Variants in SHC4 observed in about 807,000 individuals in gnomAD.
SHC4 encodes the protein SHC-transforming protein 4.
SHC4 carries 41 observed loss-of-function variants against 69.4 expected under a neutral mutation model. That is an observed-to-expected ratio of 0.59 (90% CI 0.46 to 0.77). SHC4 has a LOEUF of 0.77. Among genes scored for constraint, SHC4 ranks in the 30% least tolerant of loss-of-function variants. SHC4 has a pLI of 0.00. For missense variants in SHC4, 777 were observed against 783.8 expected (o/e 0.99, Z 0.10); for synonymous variants, 318 against 299.3 (o/e 1.06, Z -0.64).
In SHC4 at chr15:48,962,500, T is replaced by C; in HGVS notation, c.516A>G (p.Thr172=). The C allele has an allele frequency of 6.4e-7, 1 of 1,566,252 alleles. No homozygotes were observed. Among genetic ancestry groups the C allele is most frequent in the African/African-American group, 1.4e-5 (1 of 73,582 alleles). The change falls in exon 1 of 12, where the codon ACA becomes ACG. Residue 172 remains threonine (T), a synonymous_variant. Coordinates refer to ENST00000332408, the MANE Select transcript of SHC4 (RefSeq NM_203349.4). ...AGTGCCTGTCCTGCCTGCTCCTAAG[T>C]GTTGGCTCCCCAGGGCCAGGAAGCG... The part of the protein sequence containing the change: ...SCPLPGPGEP[T]LRSRQDRHFL...
intron 6 of SHC4, among the ~76,000 whole-genome samples, chr15:48,866,290 T>C (rs190800183): frequency 1.6e-4 from 25 of 152,340 alleles, no homozygotes; most frequent in Admixed American, 1.5e-3. Flanking sequence ...CTGCACACTC[T>C]TTGACCATGA....
chr15:48,910,957 A>AT (rs1042684005), intron 2 of SHC4, among the ~76,000 whole-genome samples: 5 of 152,024 alleles, frequency 3.3e-5, no homozygotes, highest in Admixed American at 2.0e-4. Flanking sequence ...ACTTTCTTAA[A>AT]TTTTTTGAGG....
chr15:48,904,973 G>A (rs898665600), intron 2 of SHC4, among the ~76,000 whole-genome samples: 3 of 132,002 alleles, frequency 2.3e-5, no homozygotes, highest in Non-Finnish European at 5.0e-5. Context: ...ACACACACAC[G>A]GATGGCACCC....
At chr15:48,874,636 T>G (rs1899758502) in intron 4 of SHC4, among the ~76,000 whole-genome samples, 1 of 152,182 alleles carries the variant, frequency 6.6e-6, no homozygotes, top group Non-Finnish European at 1.5e-5. Context: ...GCTGAGGTGG[T>G]GACGCTAGTG....
rs1364759281 is a variant in SHC4, at chr15:48,824,501, T to A, written c.*1470A>T. On this transcript the variant is annotated 3_prime_UTR_variant, in exon 12 of 12. Coordinates refer to ENST00000332408, the MANE Select transcript of SHC4 (RefSeq NM_203349.4). ...GCTACTCAAACCAAATCCACTTTTA[T>A]CATCATTCCCTATATTCCAAAGTTT... is the stretch of plus-strand genomic sequence containing the variant. The A allele has an allele frequency of 6.6e-6, 1 of 152,184 alleles. No homozygotes were observed. The highest frequency in any genetic ancestry group is 2.4e-5 in the African/African-American group (1 of 41,452). The allele number at this position is 152,184 out of a possible 1,614,324, so 9.4% of individuals were successfully genotyped here. A position where few individuals can be genotyped will look rare whatever the true frequency, so the allele number is the denominator to read the frequency against.
chr15:48,942,044 G>A lies in SHC4; in HGVS notation c.586-17095C>T, dbSNP rs116186118. 1.5e-3 allele frequency among the ~76,000 whole-genome samples: 233 copies of A among 152,104 alleles called. 1 individual carries two copies. The highest frequency in any genetic ancestry group is 4.9e-3 in the African/African-American group (203 of 41,506). On this transcript the variant is annotated intron_variant, in intron 1 of 11. Coordinates refer to ENST00000332408, the MANE Select transcript of SHC4 (RefSeq NM_203349.4). Reference sequence around the variant, plus strand: ...TAATCAGGATTGAGCCTAATTTTACGTAAATGGCAATGCTATGAAGATGGA... The same window carrying A: ...TAATCAGGATTGAGCCTAATTTTACATAAATGGCAATGCTATGAAGATGGA...
chr15:48,920,623 G>T (rs1567070315), intron 2 of SHC4, among the ~76,000 whole-genome samples: 1 of 152,008 alleles, frequency 6.6e-6, no homozygotes, highest in Admixed American at 6.5e-5. Context: ...GGGAAAAGGG[G>T]GTACCAATTA....
Position 48,930,830 on chromosome 15 carries a change from G to T in SHC4, c.586-5881C>A, listed in dbSNP as rs181435358. 2.0e-5 allele frequency among the ~76,000 whole-genome samples: 3 copies of T among 152,226 alleles called. No homozygotes were observed. In the East Asian group the frequency reaches 5.8e-4, roughly 29 times the overall value. ...TTAGTCTTTCCCATTTAAAAAAAAT[G>T]GGAGAGTAAGAAACAGGGACATTCC... On this transcript the variant is annotated intron_variant, in intron 1 of 11. Coordinates refer to ENST00000332408, the MANE Select transcript of SHC4 (RefSeq NM_203349.4).
intron 1 of SHC4, among the ~76,000 whole-genome samples, chr15:48,940,280 C>T (rs1293618702): frequency 6.6e-6 from 1 of 152,160 alleles, no homozygotes; most frequent in Non-Finnish European, 1.5e-5. Flanking sequence ...TCTCTCCTGC[C>T]AACACATAAT....
chr15:48,840,914 A>G (rs1281402292), intron 10 of SHC4, among the ~76,000 whole-genome samples: 3 of 152,202 alleles, frequency 2.0e-5, no homozygotes, highest in Non-Finnish European at 4.4e-5. Context: ...AGGGAAAGGG[A>G]GAAAGGTGAG....
chr15:48,867,946 T>C (rs1407583967), intron 5 of SHC4, 77 bp from the exon 6 acceptor site: 2 of 1,217,626 alleles, frequency 1.6e-6, no homozygotes, highest in Non-Finnish European at 2.4e-6. Flanking sequence ...TTGGACATGA[T>C]ACTGAGGCAA....
Position 48,828,093 on chromosome 15 carries a change from ATGTG to A in SHC4, c.1738-1971_1738-1968del, listed in dbSNP as rs35818835. ...CATGAGATCTGTTACATATGTATGT[ATGTG>A]TGTGTGTGTGTGTGTGTGTATATAT... On this transcript the variant is annotated intron_variant, in intron 11 of 11. Coordinates refer to ENST00000332408, the MANE Select transcript of SHC4 (RefSeq NM_203349.4). Among the ~76,000 whole-genome samples, 261 of 148,746 alleles carry A rather than the reference ATGTG, an allele frequency of 1.8e-3. 1 individual carries two copies. Among genetic ancestry groups the A allele is most frequent in the African/African-American group, 5.8e-3 (231 of 40,124 alleles).
chr15:48,894,782 A>T (rs1363841262), intron 2 of SHC4, among the ~76,000 whole-genome samples: 1 of 151,950 alleles, frequency 6.6e-6, no homozygotes, highest in Non-Finnish European at 1.5e-5. Flanking sequence ...ATATTTATTT[A>T]TTTAATTTTT....
At position 48,962,709 on chromosome 15, in the gene SHC4, T is replaced by G; in HGVS notation, c.307A>C (p.Ser103Arg). The change falls in exon 1 of 12, where the codon AGT becomes CGT. Residue 103 changes from serine (S) to arginine (R), a missense_variant. Ser to Arg is a moderately radical substitution (Grantham distance 110, BLOSUM62 -1). Transcript: ENST00000332408. ...GTACCCAGGCAAAAGTTTTTCAGAC[T>G]CAGCAAAGTGGCCGGGTTGGCCAGC... ...MKLANPATLLSLKNFCLGTKE... is the reference protein window; with the variant it reads ...MKLANPATLLRLKNFCLGTKE... 6.2e-7 allele frequency: 1 copy of G among 1,614,018 alleles called. No homozygotes were observed. The highest frequency in any genetic ancestry group is 8.5e-7 in the Non-Finnish European group (1 of 1,180,026).
rs1230175060 is a variant in SHC4, at chr15:48,904,961, A to ACG, written c.657-14151_657-14150insCG. The stretch of plus-strand genomic sequence containing the variant: ...ACACAACACACACACACACACACAC[A>ACG]CACACACACACGGATGGCACCCATA... On this transcript the variant is annotated intron_variant, in intron 2 of 11. Transcript: ENST00000332408. Among the ~76,000 whole-genome samples, 378 of 150,266 alleles carry ACG rather than the reference A, an allele frequency of 2.5e-3. 2 individuals are homozygous for ACG. Among genetic ancestry groups the ACG allele is most frequent in the African/African-American group, 8.8e-3 (364 of 41,252 alleles).
chr15:48,947,271 T>C (rs947481595), intron 1 of SHC4: 1 of 152,112 alleles, frequency 6.6e-6, no homozygotes, highest in African/African-American at 2.4e-5. Flanking sequence ...AATAAAGGAA[T>C]GGCTAGAAGT....
chr15:48,882,621 G>T (rs1240238310), intron 4 of SHC4, among the ~76,000 whole-genome samples: 1 of 152,056 alleles, frequency 6.6e-6, no homozygotes, highest in Non-Finnish European at 1.5e-5. Flanking sequence ...ACACCCCACA[G>T]AAAGGGCCAT....
At chr15:48,956,418 C>T (rs1901454953) in intron 1 of SHC4, among the ~76,000 whole-genome samples, 1 of 152,140 alleles carries the variant, frequency 6.6e-6, no homozygotes, top group African/African-American at 2.4e-5. Context: ...AGGCCTTTTT[C>T]TCTTGGCTCT....
At chr15:48,838,980 A>G (rs1898945724) in intron 10 of SHC4, among the ~76,000 whole-genome samples, 1 of 152,138 alleles carries the variant, frequency 6.6e-6, no homozygotes, top group Non-Finnish European at 1.5e-5. Context: ...ATCCAAAGCA[A>G]GTAGAAGGAA....
Sources: allele counts gnomAD v4.1 joint callset (sites outside exome capture counted in the v4.1 genomes callset), GRCh38; gene constraint gnomAD v4.1.1; transcripts MANE v1.5; gene names NCBI Gene and HGNC (gene_info 2026-07-23, HGNC 2026-07-21).